ABLIM2: variants seen among roughly 807,000 people sequenced by gnomAD.
ABLIM2 encodes the protein actin-binding LIM protein 2.
ABLIM2 carries 53 observed loss-of-function variants against 97.7 expected under a neutral mutation model. That is an observed-to-expected ratio of 0.54 (90% CI 0.44 to 0.68). ABLIM2 has a LOEUF of 0.68. Among genes scored for constraint, ABLIM2 ranks in the 30% least tolerant of loss-of-function variants. The probability of loss-of-function intolerance (pLI) is 0.00; values close to 1 mark genes in which losing one functional copy is unlikely to be tolerated. For missense variants in ABLIM2, 835 were observed against 867.2 expected, an observed-to-expected ratio of 0.96 and a Z score of 0.47; for synonymous variants, 361 against 345.8, an observed-to-expected ratio of 1.04 and a Z score of -0.49.
chr4:8,066,370 G>T (rs1807564271), intron 6 of ABLIM2, among the ~76,000 whole-genome samples: 1 of 42,198 alleles, frequency 2.4e-5, no homozygotes, highest in Non-Finnish European at 4.7e-5. Flanking sequence ...GGGAAGGAAG[G>T]AAGGAAGGAA....
At chr4:7,976,527 C>T (rs762009659) in intron 20 of ABLIM2, among the ~76,000 whole-genome samples, 47 of 152,192 alleles carry the variant, frequency 3.1e-4, no homozygotes, top group Non-Finnish European at 5.1e-4. Flanking sequence ...AGGGCCTATC[C>T]GGGCTCAGGT....
chr4:8,113,881 T>C lies in ABLIM2; in HGVS notation c.11-7244A>G, dbSNP rs1167360960. Among the ~76,000 whole-genome samples the C allele has an allele frequency of 6.6e-6, 1 of 152,166 alleles. No homozygotes were observed. The highest frequency in any genetic ancestry group is 1.5e-5 in the Non-Finnish European group (1 of 68,032). The stretch of plus-strand genomic sequence containing the variant: ...CCTTTCACACCTTTCCTTCTGACCA[T>C]GGCAACGAGCAGAGCAATACAGAGA... On this transcript the variant is annotated intron_variant, in intron 1 of 20. Coordinates refer to ENST00000447017, the MANE Select transcript of ABLIM2 (RefSeq NM_001130083.2). The surrounding 1 kb of genome is among the most constrained non-coding windows in gnomAD (Gnocchi z 4.5).
intron 1 of ABLIM2, among the ~76,000 whole-genome samples, chr4:8,154,559 C>T (rs189046890): frequency 2.0e-4 from 31 of 152,306 alleles, no homozygotes; most frequent in Middle Eastern, 3.4e-3. Context: ...GGATTACAGG[C>T]GTAAGCCACC....
At chr4:7,995,775 G>A (rs1315805466) in intron 16 of ABLIM2, among the ~76,000 whole-genome samples, 1 of 152,230 alleles carries the variant, frequency 6.6e-6, no homozygotes, top group African/African-American at 2.4e-5. Flanking sequence ...AGGCAAACGA[G>A]GAGCTGGGAA....
intron 1 of ABLIM2, among the ~76,000 whole-genome samples, chr4:8,129,597 A>G (rs1849072655): frequency 6.6e-6 from 1 of 152,122 alleles, no homozygotes. Flanking sequence ...AAAACTTGAC[A>G]CCCCATCCCA....
chr4:8,132,699 C>G lies in ABLIM2; in HGVS notation c.10+25981G>C, dbSNP rs542403332. Reference sequence around the variant, plus strand: ...TTCCCTCGGGTGACTCAGTCCTGGGCCTGCAACAGGCCCCAACACTCCAGA... The same window carrying G: ...TTCCCTCGGGTGACTCAGTCCTGGGGCTGCAACAGGCCCCAACACTCCAGA... On this transcript the variant is annotated intron_variant, in intron 1 of 20. Transcript: ENST00000447017. This position sits in a 1 kb window ranked among gnomAD's most constrained non-coding sequence, Gnocchi z 8.0. 6.6e-6 allele frequency among the ~76,000 whole-genome samples: 1 copy of G among 152,322 alleles called. No individual in the cohort carries two copies. The highest frequency in any genetic ancestry group is 6.5e-5 in the Admixed American group (1 of 15,304).
Position 8,000,111 on chromosome 4 carries a change from A to G in ABLIM2, c.1619-7184T>C, listed in dbSNP as rs1756060313. Among the ~76,000 whole-genome samples the G allele has an allele frequency of 2.6e-5, 4 of 152,032 alleles. No homozygotes were observed. In the South Asian group the frequency reaches 8.3e-4, roughly 32 times the overall value. On this transcript the variant is annotated intron_variant, in intron 16 of 20. Transcript: ENST00000447017. ...GGAGGCTGTGGCACTGCACGGGTTC[A>G]GGTCCCCTCTCTGAGTCTTGGTGTC...
chr4:8,012,244 G>T (rs57015663), intron 14 of ABLIM2, among the ~76,000 whole-genome samples: 151,269 of 151,354 alleles, frequency 1, 75,592 homozygotes, highest in Middle Eastern at 1. Context: ...CAGCCAGCCA[G>T]GCACCCATCC....
At chr4:8,051,898 T>A (rs1579875115) in intron 8 of ABLIM2, among the ~76,000 whole-genome samples, 1 of 152,158 alleles carries the variant, frequency 6.6e-6, no homozygotes, top group African/African-American at 2.4e-5. Context: ...GTCAAACCAA[T>A]CGCCTAAGCC....
In ABLIM2 at chr4:8,032,142, C is replaced by T. The variant is rs376661741; in HGVS notation, c.1048-2366G>A. On this transcript the variant is annotated intron_variant, in intron 10 of 20. Coordinates refer to ENST00000447017, the MANE Select transcript of ABLIM2 (RefSeq NM_001130083.2). The surrounding 1 kb of genome is among the most constrained non-coding windows in gnomAD (Gnocchi z 4.3). ...TTTCTGCTGTGGCCACCCGTGCGGC[C>T]GCACAGACTGCAGTCTGATTGGCAG... is the stretch of plus-strand genomic sequence containing the variant. Among the ~76,000 whole-genome samples the T allele has an allele frequency of 4.6e-5, 7 of 151,604 alleles. 1 individual carries two copies. In the East Asian group the frequency reaches 9.8e-4, roughly 21 times the overall value.
chr4:8,096,840 C>T (rs560260953), intron 3 of ABLIM2, among the ~76,000 whole-genome samples: 248 of 152,310 alleles, frequency 1.6e-3, no homozygotes, highest in African/African-American at 5.8e-3. Flanking sequence ...GCAGCCAGCA[C>T]TTGCTGCATG....
chr4:8,045,473 A>G (rs1376688794), intron 8 of ABLIM2, among the ~76,000 whole-genome samples: 2 of 152,148 alleles, frequency 1.3e-5, no homozygotes, highest in Non-Finnish European at 2.9e-5. Flanking sequence ...ACATGGTGAA[A>G]CCCTGTCTCT....
At position 8,028,229 on chromosome 4, in the gene ABLIM2, C is replaced by T. The variant is rs559936646; in HGVS notation, c.1169-372G>A. On this transcript the variant is annotated intron_variant, in intron 11 of 20. Transcript: ENST00000447017. ...ACCAGACATCGTCACCGGACTCGTCCGGCGAGATGCAAGCTTGGCTCTTGG... is the reference window on the plus strand; with the variant it reads ...ACCAGACATCGTCACCGGACTCGTCTGGCGAGATGCAAGCTTGGCTCTTGG... 2.6e-5 allele frequency among the ~76,000 whole-genome samples: 4 copies of T among 152,292 alleles called. No individual in the cohort carries two copies. In the East Asian group the frequency reaches 5.8e-4, roughly 22 times the overall value.
chr4:8,066,658 G>A (rs917261315), intron 6 of ABLIM2: 1 of 152,114 alleles, frequency 6.6e-6, no homozygotes, highest in East Asian at 1.9e-4. Context: ...GCAAAGCCAC[G>A]GGGTAGAGGA....
In ABLIM2 at chr4:8,147,573, A is replaced by G. The variant is rs975826892; in HGVS notation, c.10+11107T>C. ...GAGGAGGGAGCGGGAGACGACACACACAGGGGAGAAGTAGCATGAAGATGG... is the reference window on the plus strand; with the variant it reads ...GAGGAGGGAGCGGGAGACGACACACGCAGGGGAGAAGTAGCATGAAGATGG... On this transcript the variant is annotated intron_variant, in intron 1 of 20. Transcript: ENST00000447017. The surrounding 1 kb of genome is among the most constrained non-coding windows in gnomAD (Gnocchi z 5.3). 5.3e-5 allele frequency among the ~76,000 whole-genome samples: 8 copies of G among 152,156 alleles called. No individual in the cohort carries two copies. The highest frequency in any genetic ancestry group is 1.9e-4 in the African/African-American group (8 of 41,424).
chr4:8,139,330 G>A (rs1248780044), intron 1 of ABLIM2, among the ~76,000 whole-genome samples: 1 of 151,886 alleles, frequency 6.6e-6, no homozygotes, highest in East Asian at 1.9e-4. Context: ...CCTATGAAAT[G>A]GGAGAAAATT....
At chr4:8,107,684 C>T (rs572225887) in intron 1 of ABLIM2, among the ~76,000 whole-genome samples, 3 of 152,292 alleles carry the variant, frequency 2.0e-5, no homozygotes, top group Admixed American at 2.0e-4. Context: ...GTGCTGCAGT[C>T]GGCAGAACAA....
chr4:7,986,630 C>T lies in ABLIM2; in HGVS notation c.1681-1737G>A, dbSNP rs1291534241. 2.0e-5 allele frequency among the ~76,000 whole-genome samples: 3 copies of T among 152,184 alleles called. No homozygotes were observed. The highest frequency in any genetic ancestry group is 4.8e-5 in the African/African-American group (2 of 41,436). ...CTGAGCCAGGGTCCTCTTGCCTCCA[C>T]CACTTCACAAAATAATTCTTGCCTT... On this transcript the variant is annotated intron_variant, in intron 17 of 20. Transcript: ENST00000447017. The surrounding 1 kb of genome is among the most constrained non-coding windows in gnomAD (Gnocchi z 4.3).
rs565947439 is a variant in ABLIM2 at position 8,112,436 on chromosome 4, C to T, written c.11-5799G>A. 3.9e-5 allele frequency among the ~76,000 whole-genome samples: 6 copies of T among 152,346 alleles called. No homozygotes were observed. In the South Asian group the frequency reaches 8.3e-4, roughly 21 times the overall value. On this transcript the variant is annotated intron_variant, in intron 1 of 20. Transcript: ENST00000447017. The surrounding 1 kb of genome is among the most constrained non-coding windows in gnomAD (Gnocchi z 4.2). ...GTCCATTGAAGTAGAGAAAGCTCCA[C>T]GTGCAAGGTCTGACAGGTGGCCGTG...
Sources: allele counts gnomAD v4.1 joint callset (sites outside exome capture counted in the v4.1 genomes callset), GRCh38; gene constraint gnomAD v4.1.1; non-coding constraint Gnocchi (gnomAD v3.1); transcripts MANE v1.5; gene names NCBI Gene and HGNC (gene_info 2026-07-23, HGNC 2026-07-21).